Variants in GLYAT observed in about 807,000 individuals in gnomAD.
GLYAT encodes glycine-N-acyltransferase.
A neutral mutation model predicts 22.8 loss-of-function variants in GLYAT; 25 were observed. That is an observed-to-expected ratio of 1.09 (90% CI 0.80 to 1.53). The LOEUF (loss-of-function observed/expected upper bound fraction) is 1.53, where lower values mean the gene tolerates loss of function less well. Among genes scored for constraint, GLYAT ranks in the 40% most tolerant of loss-of-function variants. GLYAT has a pLI of 0.00. For missense variants in GLYAT, 411 were observed against 353.9 expected (o/e 1.16, Z -1.29); for synonymous variants, 140 against 122.7 (o/e 1.14, Z -0.93).
chr11:58,717,152 GC>G (rs148038594), intron 2 of GLYAT, among the ~76,000 whole-genome samples: 3 of 151,696 alleles, frequency 2.0e-5, no homozygotes, highest in Non-Finnish European at 4.4e-5. Context: ...CCTTTTATAT[GC>G]CCCCCATCCT....
intron 2 of GLYAT, among the ~76,000 whole-genome samples, chr11:58,716,058 C>T (rs1202673429): frequency 1.3e-5 from 2 of 152,136 alleles, no homozygotes; most frequent in Non-Finnish European, 2.9e-5. Context: ...TAGCCTATTG[C>T]TCAAGAGAAT....
In GLYAT at chr11:58,709,175, G is replaced by A. The variant is rs1856577603; in HGVS notation, c.*591C>T. ...TTTTCCTGGAATAGGAGCTTGGAGAGGATAGGATATCATCAGTTGATATTT... is the reference window on the plus strand; with the variant it reads ...TTTTCCTGGAATAGGAGCTTGGAGAAGATAGGATATCATCAGTTGATATTT... On this transcript the variant is annotated 3_prime_UTR_variant, in exon 6 of 6. Transcript: ENST00000344743. The A allele has an allele frequency of 6.6e-6, 1 of 152,158 alleles. No homozygotes were observed. The highest frequency in any genetic ancestry group is 2.1e-4 in the South Asian group (1 of 4,826). 9.4% of individuals were successfully genotyped at this position (152,158 alleles called of 1,614,324 possible).
chr11:58,718,944 C>T lies in GLYAT; in HGVS notation c.82-3521G>A, dbSNP rs182035999. On this transcript the variant is annotated intron_variant, in intron 2 of 5. Coordinates refer to ENST00000344743, the MANE Select transcript of GLYAT (RefSeq NM_201648.3). ...GTTTCCCATAATTTTGGAACACATA[C>T]CAATAACATATTTATACAAAGACAG... 4.2e-4 allele frequency among the ~76,000 whole-genome samples: 64 copies of T among 151,960 alleles called. 1 individual carries two copies. The East Asian group carries it at 0.012, about 28-fold the overall frequency.
chr11:58,726,906 G>C (rs1334501257), intron 1 of GLYAT, among the ~76,000 whole-genome samples: 1 of 152,070 alleles, frequency 6.6e-6, no homozygotes, highest in Non-Finnish European at 1.5e-5. Context: ...TCGACATAAA[G>C]GAGGAACCTC....
At chr11:58,715,283 A>G in intron 3 of GLYAT, 33 bp downstream of exon 3, 2 of 925,106 alleles carry the variant, frequency 2.2e-6, no homozygotes, top group Non-Finnish European at 3.6e-6. Context: ...AGCTAATATA[A>G]ATATAGAAGA....
Position 58,709,988 on chromosome 11 carries a change from G to T in GLYAT, c.669C>A (p.Asp223Glu), listed in dbSNP as rs1275943903. 3.1e-6 allele frequency: 5 copies of T among 1,614,092 alleles called. No individual in the cohort carries two copies. The highest frequency in any genetic ancestry group is 2.5e-6 in the Non-Finnish European group (3 of 1,179,976). Residue 223 changes from aspartate to glutamate, a missense_variant, in exon 6 of 6, where the codon GAC becomes GAA. Physicochemically the swap from Asp to Glu is conservative, Grantham distance 45. Coordinates refer to ENST00000344743, the MANE Select transcript of GLYAT (RefSeq NM_201648.3). The stretch of plus-strand genomic sequence containing the variant: ...CTGCCATTCTCATCTCTCCAGTCTG[G>T]TCCATTAGATCCCAGCACACAGGGG... ...EGTPVCWDLM[D>E]QTGEMRMAGT...
chr11:58,730,435 G>C lies in GLYAT; in HGVS notation c.-16+1400C>G, dbSNP rs539098044. Among the ~76,000 whole-genome samples, 112 of 152,236 alleles carry C rather than the reference G, an allele frequency of 7.4e-4. 1 individual carries two copies. The highest frequency in any genetic ancestry group is 2.6e-3 in the African/African-American group (110 of 41,554). Reference sequence around the variant, plus strand: ...GCAAGTAATTTGCTGTTTTGTGTAAGCAGAAAAAAAGAATACATTCTGCAA... The same window carrying C: ...GCAAGTAATTTGCTGTTTTGTGTAACCAGAAAAAAAGAATACATTCTGCAA... On this transcript the variant is annotated intron_variant, in intron 1 of 5. Coordinates refer to ENST00000344743, the MANE Select transcript of GLYAT (RefSeq NM_201648.3).
At position 58,708,945 on chromosome 11, in the gene GLYAT, T is replaced by C. The variant is rs1856574308; in HGVS notation, c.*821A>G. ...CTCCTCTCCCTTCAACTCCTATCTC[T>C]CCTCAATAAACCATCACATCCCTGG... On this transcript the variant is annotated 3_prime_UTR_variant, in exon 6 of 6. Transcript: ENST00000344743. 6.6e-6 allele frequency: 1 copy of C among 152,138 alleles called. No homozygotes were observed. Among genetic ancestry groups the C allele is most frequent in the Non-Finnish European group, 1.5e-5 (1 of 68,034 alleles). 9.4% of individuals were successfully genotyped at this position (152,138 alleles called of 1,614,324 possible).
chr11:58,725,757 G>A (rs1856805334), intron 1 of GLYAT, among the ~76,000 whole-genome samples: 2 of 152,126 alleles, frequency 1.3e-5, no homozygotes, highest in South Asian at 2.1e-4. Flanking sequence ...GTGTGCAGTT[G>A]GACCTTTTGA....
At chr11:58,728,780 T>A (rs1240968731) in intron 1 of GLYAT, 1 of 144,886 alleles carries the variant, frequency 6.9e-6, no homozygotes. Context: ...TGGAGCTTCG[T>A]TGAGAGAGTA....
chr11:58,723,461 A>T (rs1037894540), intron 2 of GLYAT, among the ~76,000 whole-genome samples: 1 of 152,094 alleles, frequency 6.6e-6, no homozygotes. Flanking sequence ...TGAAAATAAA[A>T]CTATATAATC....
chr11:58,712,889 GT>G lies in GLYAT; in HGVS notation c.190-4del. 6.4e-7 allele frequency: 1 copy of G among 1,570,390 alleles called. No individual in the cohort carries two copies. The highest frequency in any genetic ancestry group is 8.7e-7 in the Non-Finnish European group (1 of 1,147,036). On this transcript the variant is annotated splice_region_variant and splice_polypyrimidine_tract_variant and intron_variant, in intron 3 of 5. Coordinates refer to ENST00000344743, the MANE Select transcript of GLYAT (RefSeq NM_201648.3). ...TGATCAAGGTCATCTGTCATATCCT[GT>G]TATCATTAGGAAAAAGGAAATAAAA...
chr11:58,717,649 T>C (rs771375991), intron 2 of GLYAT, among the ~76,000 whole-genome samples: 3 of 151,874 alleles, frequency 2.0e-5, no homozygotes, highest in Non-Finnish European at 4.4e-5. Context: ...ATAATAAAAA[T>C]TGAAAAATAA....
intron 3 of GLYAT, among the ~76,000 whole-genome samples, chr11:58,713,488 C>T (rs959364843): frequency 1.3e-5 from 2 of 152,080 alleles, no homozygotes; most frequent in African/African-American, 4.8e-5. Flanking sequence ...AGTTCAAAGA[C>T]TTGCAGAATA....
chr11:58,725,326 GATTACCTAAACACTTCATAAC>G (rs1856800843), intron 1 of GLYAT, among the ~76,000 whole-genome samples: 1 of 152,102 alleles, frequency 6.6e-6, no homozygotes, highest in Admixed American at 6.6e-5. Context: ...ATCAAATTGG[GATTACCTAAACACTTCATAAC>G]ATCACAACTA....
At chr11:58,717,716 T>C (rs1856701479) in intron 2 of GLYAT, among the ~76,000 whole-genome samples, 1 of 152,058 alleles carries the variant, frequency 6.6e-6, no homozygotes, top group South Asian at 2.1e-4. Context: ...AATATAGTCT[T>C]TTTCTCTCTC....
intron 1 of GLYAT, among the ~76,000 whole-genome samples, chr11:58,731,345 A>T (rs998568601): frequency 1.3e-4 from 20 of 152,146 alleles, no homozygotes; most frequent in African/African-American, 4.8e-4. Flanking sequence ...TTATTCATTT[A>T]TTAGTCGAGA....
intron 2 of GLYAT, among the ~76,000 whole-genome samples, chr11:58,718,276 G>A (rs1020036917): frequency 8.6e-5 from 13 of 152,014 alleles, no homozygotes; most frequent in African/African-American, 3.1e-4. Context: ...GTGAGGTAGA[G>A]AGAAACAAAC....
intron 1 of GLYAT, among the ~76,000 whole-genome samples, chr11:58,725,290 G>A (rs1309958971): frequency 2.0e-5 from 3 of 152,108 alleles, no homozygotes; most frequent in African/African-American, 7.2e-5. Flanking sequence ...TACAAAAATA[G>A]CATTTTTACA....
Sources: gnomAD v4.1 joint callset for allele counts (sites outside exome capture counted in the v4.1 genomes callset) on GRCh38, gnomAD v4.1.1 for gene constraint, MANE v1.5 for transcripts, NCBI Gene and HGNC (gene_info 2026-07-23, HGNC 2026-07-21) for gene names.